ZFP1: variants seen among roughly 807,000 people sequenced by gnomAD.
ZFP1 encodes zinc finger protein 1 homolog.
ZFP1 carries 32 observed loss-of-function variants against 38.5 expected under a neutral mutation model. That is an observed-to-expected ratio of 0.83 (90% CI 0.63 to 1.12). The LOEUF (loss-of-function observed/expected upper bound fraction) is 1.12, where lower values mean the gene tolerates loss of function less well. Among genes scored for constraint, ZFP1 ranks in the 50% most tolerant of loss-of-function variants. ZFP1 has a pLI of 0.00. For missense variants in ZFP1, 616 were observed against 480.8 expected (o/e 1.28, Z -2.63); for synonymous variants, 245 against 168.8 (o/e 1.45, Z -3.50).
At chr16:75,168,127 G>A (rs769709338) in intron 3 of ZFP1, among the ~76,000 whole-genome samples, 12 of 152,154 alleles carry the variant, frequency 7.9e-5, no homozygotes, top group African/African-American at 2.4e-4. Context: ...AAAGTGCTGG[G>A]ATTACAGGCA....
chr16:75,164,603 C>T (rs1043830062), intron 2 of ZFP1, among the ~76,000 whole-genome samples: 1 of 152,086 alleles, frequency 6.6e-6, no homozygotes, highest in South Asian at 2.1e-4. Context: ...TACTTGACAT[C>T]TATTATGTAC....
At chr16:75,130,192 G>A in the ZFP1 span, among the ~76,000 whole-genome samples, 1 of 152,174 alleles carries the variant, frequency 6.6e-6, no homozygotes, top group African/African-American at 2.4e-5. Flanking sequence ...GTAGAGATGG[G>A]GTTTCACCAT....
chr16:75,161,439 C>G (rs1055914606), intron 2 of ZFP1, among the ~76,000 whole-genome samples: 8 of 151,688 alleles, frequency 5.3e-5, no homozygotes, highest in African/African-American at 1.5e-4. Flanking sequence ...ATGTGTGGCT[C>G]TCCTCATAGA....
Position 75,166,829 on chromosome 16 carries a change from G to C in ZFP1, c.75G>C (p.Leu25=), listed in dbSNP as rs765808592. ...TTACCCAGGAGGAATGGGAACAACT[G>C]GACCCCTCTCAGAGGATCCTATACA... ...VDFTQEEWEQ[L]DPSQRILYMD... is the part of the protein sequence containing the mutation. Residue 25 remains leucine (L), a synonymous_variant, in exon 3 of 4, where the codon CTG becomes CTC. Coordinates refer to ENST00000570010, the MANE Select transcript of ZFP1 (RefSeq NM_153688.4). The C allele has an allele frequency of 2.5e-6, 4 of 1,614,150 alleles. No homozygotes were observed. In the Admixed American group the frequency reaches 6.7e-5, roughly 27 times the overall value.
chr16:75,138,859 C>T, the ZFP1 span, among the ~76,000 whole-genome samples: 4 of 152,322 alleles, frequency 2.6e-5, no homozygotes, highest in African/African-American at 9.6e-5. Context: ...AAAATAAATG[C>T]ATGGTGTTTT....
chr16:75,164,829 C>T (rs1374437860), intron 2 of ZFP1, among the ~76,000 whole-genome samples: 2 of 149,086 alleles, frequency 1.3e-5, no homozygotes, highest in Non-Finnish European at 3.0e-5. Context: ...TTTTTTGAGG[C>T]GGAGTTTCAC....
chr16:75,145,152 G>T (rs1048523522), upstream of ZFP1, among the ~76,000 whole-genome samples: 12 of 152,208 alleles, frequency 7.9e-5, no homozygotes, highest in Admixed American at 4.6e-4. Flanking sequence ...GAATAATGCT[G>T]CTATGAACAT....
chr16:75,134,506 C>T, the ZFP1 span, among the ~76,000 whole-genome samples: 14 of 151,996 alleles, frequency 9.2e-5, no homozygotes, highest in East Asian at 2.5e-3. Context: ...CCTGTAATCC[C>T]GGCACTTTGG....
In ZFP1 at chr16:75,166,838, T is replaced by G. The variant is rs765134367; in HGVS notation, c.84T>G (p.Ser28=). 3.7e-6 allele frequency: 6 copies of G among 1,614,058 alleles called. No homozygotes were observed. The Admixed American group carries it at 6.7e-5, about 18-fold the overall frequency. The change falls in exon 3 of 4, where the codon TCT becomes TCG. Residue 28 remains serine, a synonymous_variant. Transcript: ENST00000570010. ...TQEEWEQLDP[S]QRILYMDVML... is the part of the protein sequence containing the mutation. ...AGGAATGGGAACAACTGGACCCCTC[T>G]CAGAGGATCCTATACATGGATGTGA...
intron 2 of ZFP1, among the ~76,000 whole-genome samples, chr16:75,165,835 C>A (rs533085024): frequency 6.6e-6 from 1 of 152,118 alleles, no homozygotes; most frequent in East Asian, 1.9e-4. Context: ...GTTTCCACTG[C>A]CTCTGCTGGG....
At chr16:75,125,049 A>G in the ZFP1 span, among the ~76,000 whole-genome samples, 1 of 151,990 alleles carries the variant, frequency 6.6e-6, no homozygotes, top group South Asian at 2.1e-4. Flanking sequence ...ATCAAAGGTC[A>G]GGAGTTTGAG....
chr16:75,120,651 G>C, the ZFP1 span, among the ~76,000 whole-genome samples: 1 of 151,916 alleles, frequency 6.6e-6, no homozygotes, highest in Non-Finnish European at 1.5e-5. Flanking sequence ...GCCCAGGCTG[G>C]AGTGCAGTGG....
At chr16:75,150,389 T>TG (rs973727986) in intron 1 of ZFP1, among the ~76,000 whole-genome samples, 1 of 150,964 alleles carries the variant, frequency 6.6e-6, no homozygotes. Flanking sequence ...TTTTATTTTT[T>TG]TTTGTATTTT....
chr16:75,122,932 T>G, the ZFP1 span, among the ~76,000 whole-genome samples: 1 of 152,346 alleles, frequency 6.6e-6, no homozygotes, highest in South Asian at 2.1e-4. Context: ...AAGCACAGTT[T>G]TTATAAATAA....
At position 75,150,388 on chromosome 16, in the gene ZFP1, T is replaced by TA. The variant is rs1278236084; in HGVS notation, c.-44+1745_-44+1746insA. Reference sequence around the variant, plus strand: ...TACACCTGGCTAATTTTTTTATTTTTTTTTGTATTTTTAGTAGAGACGGGG... The same window carrying TA: ...TACACCTGGCTAATTTTTTTATTTTTATTTTGTATTTTTAGTAGAGACGGGG... On this transcript the variant is annotated intron_variant, in intron 1 of 3. Coordinates refer to ENST00000570010, the MANE Select transcript of ZFP1 (RefSeq NM_153688.4). 9.9e-5 allele frequency among the ~76,000 whole-genome samples: 15 copies of TA among 151,106 alleles called. No individual in the cohort carries two copies. The East Asian group carries it at 2.7e-3, about 28-fold the overall frequency.
intron 2 of ZFP1, among the ~76,000 whole-genome samples, chr16:75,161,774 ATTT>A (rs200925992): frequency 2.6e-4 from 2 of 7,816 alleles, no homozygotes; most frequent in Non-Finnish European, 5.6e-4. Context: ...ATATATATAT[ATTT>A]TTTTTTTTTT....
the ZFP1 span, among the ~76,000 whole-genome samples, chr16:75,139,375 A>AC: frequency 7.4e-6 from 1 of 134,866 alleles, no homozygotes; most frequent in African/African-American, 3.6e-5. Flanking sequence ...TCTCAAAAAA[A>AC]AAAAAAAAAA....
intron 2 of ZFP1, among the ~76,000 whole-genome samples, chr16:75,162,147 G>C (rs998194698): frequency 6.6e-6 from 1 of 151,924 alleles, no homozygotes; most frequent in Admixed American, 6.6e-5. Context: ...TTTTGAGACA[G>C]GGTCTCACTT....
chr16:75,143,793 A>T (rs1250412814), upstream of ZFP1, among the ~76,000 whole-genome samples: 2 of 151,674 alleles, frequency 1.3e-5, no homozygotes, highest in Non-Finnish European at 2.9e-5. Flanking sequence ...CTGGAACTAC[A>T]GGTGCATGCC....
Sources: allele counts gnomAD v4.1 joint callset (sites outside exome capture counted in the v4.1 genomes callset), GRCh38; gene constraint gnomAD v4.1.1; transcripts MANE v1.5; gene names NCBI Gene and HGNC (gene_info 2026-07-23, HGNC 2026-07-21).